The following GFPT2 variants were observed in gnomAD, a reference collection of about 807,000 sequenced individuals.
The protein encoded by GFPT2 is glutamine--fructose-6-phosphate transaminase 2.
Under a neutral mutation model 85.6 loss-of-function variants are expected in GFPT2, and 62 were observed. That is an observed-to-expected ratio of 0.72 (90% confidence interval 0.59 to 0.90). The LOEUF is 0.90. Ranked by LOEUF, GFPT2 falls within the 40% of genes least tolerant of loss-of-function variation. GFPT2 has a pLI of 0.00. For missense variants in GFPT2, 788 were observed against 893.4 expected, an observed-to-expected ratio of 0.88 and a Z score of 1.50; for synonymous variants, 368 against 344.5, an observed-to-expected ratio of 1.07 and a Z score of -0.75.
At position 180,316,387 on chromosome 5, in the gene GFPT2, G is replaced by A; in HGVS notation, c.1227C>T (p.Asn409=). ...AAACGTCATCCCTGAACACAGGTGT[G>A]TTCCTGTCCAGAAAATCACTAGCAA... ...VELASDFLDR[N]TPVFRDDVCF... The change falls in exon 13 of 19, where the codon AAC becomes AAT. Residue 409 remains asparagine, a synonymous_variant. Transcript: ENST00000253778. 1 of 1,613,830 alleles carries A rather than the reference G, an allele frequency of 6.2e-7. No individual in the cohort carries two copies. Among genetic ancestry groups the A allele is most frequent in the Non-Finnish European group, 8.5e-7 (1 of 1,179,688 alleles).
In GFPT2 at chr5:180,328,361, G is replaced by C. The variant is rs760735997; in HGVS notation, c.535-23C>G. On this transcript the variant is annotated intron_variant, in intron 6 of 18. Coordinates refer to ENST00000253778, the MANE Select transcript of GFPT2 (RefSeq NM_005110.4). This position sits in a 1 kb window ranked among gnomAD's most constrained non-coding sequence, Gnocchi z 5.4. ...TTCCTGAAAACACACAAACAGTGAGGGTCAACGCGTTCCAGCAGCCGCTGC... is the reference window on the plus strand; with the variant it reads ...TTCCTGAAAACACACAAACAGTGAGCGTCAACGCGTTCCAGCAGCCGCTGC... The C allele has an allele frequency of 5.0e-6, 8 of 1,595,682 alleles. No homozygotes were observed. The African/African-American group carries it at 8.1e-5, about 16-fold the overall frequency.
intron 17 of GFPT2, among the ~76,000 whole-genome samples, chr5:180,303,228 A>T (rs112720729): frequency 0.073 from 8,650 of 119,174 alleles, 752 homozygotes; most frequent in African/African-American, 0.24. Flanking sequence ...AGACTCCGTC[A>T]CAAAAAAAAA....
chr5:180,317,371 C>T (rs1330979307), intron 10 of GFPT2, among the ~76,000 whole-genome samples: 1 of 152,194 alleles, frequency 6.6e-6, no homozygotes, highest in Non-Finnish European at 1.5e-5. Flanking sequence ...GTGCTTCACT[C>T]CCAAAAAGCC....
intron 15 of GFPT2, among the ~76,000 whole-genome samples, chr5:180,308,000 T>A (rs1763811984): frequency 6.6e-6 from 1 of 152,166 alleles, no homozygotes; most frequent in Non-Finnish European, 1.5e-5. Context: ...CTCACGCCTG[T>A]AATCCCAGCA....
At chr5:180,336,029 C>G (rs1271151119) in intron 3 of GFPT2, 76 bp from the exon 4 acceptor site, 1 of 1,426,272 alleles carries the variant, frequency 7.0e-7, no homozygotes. Context: ...AACCTGGTGT[C>G]GTTACCCAAG....
rs1561879419 is a variant in GFPT2, at chr5:180,328,348, C to T, written c.535-10G>A. ...GCGCGAATGCACCTTCCTGAAAACA[C>T]ACAAACAGTGAGGGTCAACGCGTTC... On this transcript the variant is annotated splice_polypyrimidine_tract_variant and intron_variant, in intron 6 of 18. Coordinates refer to ENST00000253778, the MANE Select transcript of GFPT2 (RefSeq NM_005110.4). This position sits in a 1 kb window ranked among gnomAD's most constrained non-coding sequence, Gnocchi z 5.4. 6.2e-7 allele frequency: 1 copy of T among 1,610,106 alleles called. No homozygotes were observed. The highest frequency in any genetic ancestry group is 1.1e-5 in the South Asian group (1 of 90,988).
intron 2 of GFPT2, among the ~76,000 whole-genome samples, chr5:180,336,876 G>A (rs6869637): frequency 0.087 from 13,191 of 152,342 alleles, 957 homozygotes; most frequent in African/African-American, 0.2. Context: ...GCCCTCGGCT[G>A]ATGGCAATGG....
At chr5:180,351,111 T>A (rs954967463) in intron 1 of GFPT2, among the ~76,000 whole-genome samples, 1 of 152,200 alleles carries the variant, frequency 6.6e-6, no homozygotes, top group Non-Finnish European at 1.5e-5. Context: ...GATTAAATTT[T>A]CAAAAATTTA....
At chr5:180,307,335 C>T (rs776486357) in intron 15 of GFPT2, 32 bp from the exon 16 acceptor site, 1 of 1,611,620 alleles carries the variant, frequency 6.2e-7, no homozygotes, top group Non-Finnish European at 8.5e-7. Flanking sequence ...GGGAGAAAAC[C>T]AGTCAGGCCG....
At chr5:180,322,068 T>TCA (rs1470833146) in intron 9 of GFPT2, among the ~76,000 whole-genome samples, 2 of 152,202 alleles carry the variant, frequency 1.3e-5, no homozygotes, top group African/African-American at 4.8e-5. Flanking sequence ...ATGACAGGCG[T>TCA]GAGCCACCAC....
Position 180,301,339 on chromosome 5 carries a change from G to C in GFPT2, c.*225C>G. On this transcript the variant is annotated 3_prime_UTR_variant, in exon 19 of 19. Transcript: ENST00000253778. ...TGGAGAAGTCTGCTCTGATCCCCAT[G>C]TGTAAACAATGATTCCCTTCTCCTC... 1.7e-6 allele frequency: 1 copy of C among 596,408 alleles called. No individual in the cohort carries two copies. Among genetic ancestry groups the C allele is most frequent in the Non-Finnish European group, 3.0e-6 (1 of 334,554 alleles). The allele number at this position is 596,408 out of a possible 1,614,324, so 36.9% of individuals were successfully genotyped here.
At position 180,318,325 on chromosome 5, in the gene GFPT2, G is replaced by C. The variant is rs1280451668; in HGVS notation, c.958+468C>G. ...GGCCTTGAGCAGCGGGATGATCACA[G>C]GGGCTGATTCATGTTCTTAGACGTT... On this transcript the variant is annotated intron_variant, in intron 10 of 18. Transcript: ENST00000253778. This position sits in a 1 kb window ranked among gnomAD's most constrained non-coding sequence, Gnocchi z 4.2. Among the ~76,000 whole-genome samples the C allele has an allele frequency of 1.3e-5, 2 of 152,164 alleles. No individual in the cohort carries two copies. The highest frequency in any genetic ancestry group is 4.8e-5 in the African/African-American group (2 of 41,436).
chr5:180,351,686 G>A (rs1423138864), intron 1 of GFPT2, among the ~76,000 whole-genome samples: 1 of 152,138 alleles, frequency 6.6e-6, no homozygotes, highest in East Asian at 1.9e-4. Flanking sequence ...TTAAGAAGCA[G>A]AACAAAAACA....
intron 1 of GFPT2, among the ~76,000 whole-genome samples, chr5:180,346,542 C>T (rs369949899): frequency 3.3e-5 from 5 of 152,196 alleles, no homozygotes; most frequent in African/African-American, 9.7e-5. Context: ...CTCTGCCCCG[C>T]GGGCCCACCG....
chr5:180,304,717 GC>G, intron 17 of GFPT2, 54 bp downstream of exon 17: 1 of 1,459,964 alleles, frequency 6.8e-7, no homozygotes, highest in Non-Finnish European at 9.5e-7. Context: ...GGTGAGGTGG[GC>G]ATGCATGGGG....
At chr5:180,332,865 T>C (rs773399766) in intron 4 of GFPT2, among the ~76,000 whole-genome samples, 4 of 152,212 alleles carry the variant, frequency 2.6e-5, no homozygotes, top group Non-Finnish European at 5.9e-5. Flanking sequence ...ATCCCTTCTT[T>C]GGATATCCAA....
In GFPT2 at chr5:180,318,175, G is replaced by A. The variant is rs1259130222; in HGVS notation, c.958+618C>T. On this transcript the variant is annotated intron_variant, in intron 10 of 18. Transcript: ENST00000253778. The surrounding 1 kb of genome is among the most constrained non-coding windows in gnomAD (Gnocchi z 4.2). ...GAACAGCGAATGCAGGGGCTGTGGC[G>A]GGGCACAGTGGGACAGAGGGTTGAG... Among the ~76,000 whole-genome samples, 1 of 152,102 alleles carries A rather than the reference G, an allele frequency of 6.6e-6. No individual in the cohort carries two copies. Among genetic ancestry groups the A allele is most frequent in the East Asian group, 1.9e-4 (1 of 5,170 alleles).
intron 13 of GFPT2, among the ~76,000 whole-genome samples, chr5:180,315,296 G>A (rs1429652814): frequency 6.6e-6 from 1 of 151,878 alleles, no homozygotes; most frequent in African/African-American, 2.4e-5. Flanking sequence ...TCCTGCCTCA[G>A]CCTCCTGAGT....
rs1030341826 is a variant in GFPT2 at position 180,330,020 on chromosome 5, T to A, written c.534+680A>T. Among the ~76,000 whole-genome samples, 15 of 152,170 alleles carry A rather than the reference T, an allele frequency of 9.9e-5. No individual in the cohort carries two copies. Among genetic ancestry groups the A allele is most frequent in the Non-Finnish European group, 1.9e-4 (13 of 68,032 alleles). ...TTCCACATACAGACATGCTGTGATA[T>A]CACCTATCACAAAAACAGGCCAGGC... is the stretch of plus-strand genomic sequence containing the variant. On this transcript the variant is annotated intron_variant, in intron 6 of 18. Transcript: ENST00000253778. The surrounding 1 kb of genome is among the most constrained non-coding windows in gnomAD (Gnocchi z 4.4).
Sources: allele counts gnomAD v4.1 joint callset (sites outside exome capture counted in the v4.1 genomes callset), GRCh38; gene constraint gnomAD v4.1.1; non-coding constraint Gnocchi (gnomAD v3.1); transcripts MANE v1.5; gene names NCBI Gene and HGNC (gene_info 2026-07-23, HGNC 2026-07-21).